MACC1: variants seen among roughly 807,000 people sequenced by gnomAD.
The protein encoded by MACC1 is MET transcriptional regulator MACC1.
MACC1 carries 79 observed loss-of-function variants against 70.7 expected under a neutral mutation model. The ratio of observed to expected loss-of-function variants is 1.12; its 90% CI spans 0.93 to 1.35. MACC1 has a LOEUF of 1.35. MACC1 is among the 40% of genes most tolerant of loss of function. MACC1 has a pLI of 0.00. For synonymous variants in MACC1, 361 were observed against 347.2 expected, an observed-to-expected ratio of 1.04 and a Z score of -0.44; for missense variants, 1,106 against 978.1, an observed-to-expected ratio of 1.13 and a Z score of -1.74.
intron 1 of MACC1, among the ~76,000 whole-genome samples, chr7:20,179,231 G>A (rs1252202421): frequency 8.0e-6 from 1 of 124,682 alleles, no homozygotes; most frequent in African/African-American, 3.6e-5. Flanking sequence ...ATAAGGTCTT[G>A]CTATCTTACA....
At chr7:20,185,553 T>C (rs2128106378) in intron 1 of MACC1, among the ~76,000 whole-genome samples, 1 of 152,270 alleles carries the variant, frequency 6.6e-6, no homozygotes, top group Admixed American at 6.5e-5. Context: ...TTTTCTGCTT[T>C]TTTATAAAAG....
intron 6 of MACC1, among the ~76,000 whole-genome samples, chr7:20,148,179 G>T (rs1279490376): frequency 6.6e-6 from 1 of 152,132 alleles, no homozygotes; most frequent in Non-Finnish European, 1.5e-5. Flanking sequence ...GAGAAAAAAG[G>T]TGTACCCAAT....
At chr7:20,175,120 TATC>T (rs1782371546) in intron 1 of MACC1, among the ~76,000 whole-genome samples, 1 of 152,104 alleles carries the variant, frequency 6.6e-6, no homozygotes, top group Non-Finnish European at 1.5e-5. Flanking sequence ...GTTAGAAAGA[TATC>T]ATCTACTCTG....
intron 1 of MACC1, among the ~76,000 whole-genome samples, chr7:20,201,942 G>A (rs779143409): frequency 4.6e-5 from 7 of 152,112 alleles, no homozygotes; most frequent in East Asian, 1.9e-4. Context: ...ATTATTCTTC[G>A]TGTTTTTTCA....
chr7:20,150,025 C>A (rs189956570), intron 6 of MACC1, among the ~76,000 whole-genome samples: 320 of 152,230 alleles, frequency 2.1e-3, no homozygotes, highest in Non-Finnish European at 3.7e-3. Context: ...GTTTTCCTTA[C>A]AAAGTATATT....
At chr7:20,173,659 A>G (rs775920979) in intron 1 of MACC1, among the ~76,000 whole-genome samples, 1 of 152,230 alleles carries the variant, frequency 6.6e-6, no homozygotes, top group Non-Finnish European at 1.5e-5. Flanking sequence ...TTTGCCTAGC[A>G]TTATCTGCTT....
chr7:20,166,075 T>C (rs1010686947), intron 2 of MACC1, among the ~76,000 whole-genome samples: 42 of 152,230 alleles, frequency 2.8e-4, no homozygotes, highest in African/African-American at 9.9e-4. Flanking sequence ...GAATTTTTTA[T>C]GATAGTAATT....
chr7:20,206,355 C>T (rs888104379), intron 1 of MACC1, among the ~76,000 whole-genome samples: 2 of 152,102 alleles, frequency 1.3e-5, no homozygotes, highest in Non-Finnish European at 2.9e-5. Context: ...GTTCAAAGGA[C>T]ACCTTTCTAT....
At position 20,160,217 on chromosome 7, in the gene MACC1, A is replaced by G. The variant is rs1308815367; in HGVS notation, c.144T>C (p.Asn48=). ...TECQDPDLLH[N]WPDAFTLRGN... is the part of the protein sequence containing the mutation. The stretch of plus-strand genomic sequence containing the variant: ...CACGAAGGGTGAAAGCATCCGGCCA[A>G]TTGTGAAGCAAGTCTGGGTCCTGGC... The change falls in exon 5 of 7, where the codon AAT becomes AAC. Residue 48 remains asparagine (N), a synonymous_variant. Coordinates refer to ENST00000400331, the MANE Select transcript of MACC1 (RefSeq NM_182762.4). 1 of 1,582,580 alleles carries G rather than the reference A, an allele frequency of 6.3e-7. No homozygotes were observed. The highest frequency in any genetic ancestry group is 1.2e-5 in the South Asian group (1 of 84,358).
At chr7:20,201,726 G>C (rs1472101206) in intron 1 of MACC1, among the ~76,000 whole-genome samples, 2 of 152,160 alleles carry the variant, frequency 1.3e-5, no homozygotes, top group Non-Finnish European at 2.9e-5. Context: ...GAGAGAAGTG[G>C]ACAGAGTTCA....
intron 5 of MACC1, among the ~76,000 whole-genome samples, chr7:20,157,076 G>A (rs1782065299): frequency 1.3e-5 from 2 of 152,214 alleles, no homozygotes; most frequent in South Asian, 2.1e-4. Flanking sequence ...ATAAGAATAG[G>A]CAACTGTAGG....
intron 1 of MACC1, among the ~76,000 whole-genome samples, chr7:20,182,149 C>G (rs1455749415): frequency 7.6e-6 from 1 of 131,126 alleles, no homozygotes; most frequent in African/African-American, 3.0e-5. Context: ...AATGAGAACA[C>G]ATGGACACAG....
intron 2 of MACC1, among the ~76,000 whole-genome samples, chr7:20,167,192 A>G (rs1040421216): frequency 1.3e-5 from 2 of 150,486 alleles, no homozygotes; most frequent in Non-Finnish European, 3.0e-5. Context: ...TTTTTTTTTA[A>G]TTTATTATTA....
rs900262068 is a variant in MACC1 at position 20,140,343 on chromosome 7, G to T, written c.*603C>A. The T allele has an allele frequency of 3.3e-5, 5 of 152,166 alleles. No homozygotes were observed. The highest frequency in any genetic ancestry group is 1.2e-4 in the African/African-American group (5 of 41,428). The allele number at this position is 152,166 out of a possible 1,614,324, so 9.4% of individuals were successfully genotyped here. ...TTGTACTGGCTATGTAGCCTCAGAC[G>T]TTCTCTCCACTTCTGAGTTTCTCCC... On this transcript the variant is annotated 3_prime_UTR_variant, in exon 7 of 7. Transcript: ENST00000400331.
chr7:20,208,602 A>T (rs1161276797), intron 1 of MACC1, among the ~76,000 whole-genome samples: 1 of 152,246 alleles, frequency 6.6e-6, no homozygotes, highest in Non-Finnish European at 1.5e-5. Flanking sequence ...AAAGCATTCA[A>T]GAGAAAGCAA....
intron 1 of MACC1, among the ~76,000 whole-genome samples, chr7:20,174,733 T>G (rs1348438173): frequency 6.6e-6 from 1 of 152,136 alleles, no homozygotes; most frequent in Non-Finnish European, 1.5e-5. Context: ...ACTGTGTGGG[T>G]ATCTCTGAAT....
At chr7:20,191,992 T>C (rs1045751512) in intron 1 of MACC1, among the ~76,000 whole-genome samples, 2 of 152,310 alleles carry the variant, frequency 1.3e-5, no homozygotes, top group East Asian at 3.9e-4. Flanking sequence ...AATAAACGAA[T>C]AAATAAGATA....
intron 6 of MACC1, among the ~76,000 whole-genome samples, chr7:20,146,637 T>C (rs1307171240): frequency 6.6e-6 from 1 of 152,248 alleles, no homozygotes; most frequent in East Asian, 1.9e-4. Flanking sequence ...TCCAGATTTA[T>C]GTTGTCTTGT....
At chr7:20,205,883 T>C (rs1782904297) in intron 1 of MACC1, among the ~76,000 whole-genome samples, 1 of 152,148 alleles carries the variant, frequency 6.6e-6, no homozygotes, top group South Asian at 2.1e-4. Flanking sequence ...TGTTTCCATG[T>C]GAACACTGAC....
Sources: gnomAD v4.1 joint callset for allele counts (sites outside exome capture counted in the v4.1 genomes callset) on GRCh38, gnomAD v4.1.1 for gene constraint, MANE v1.5 for transcripts, NCBI Gene and HGNC (gene_info 2026-07-23, HGNC 2026-07-21) for gene names.